RFX7: variants seen among roughly 807,000 people sequenced by gnomAD.
The protein encoded by RFX7 is DNA-binding protein RFX7.
In RFX7, 26 loss-of-function variants were observed where a neutral mutation model predicts 111.8. The ratio of observed to expected loss-of-function variants is 0.23; its 90% CI spans 0.17 to 0.32. RFX7 has a LOEUF of 0.32. RFX7 is among the 10% of genes least tolerant of loss of function. The pLI is 1.00. For synonymous variants in RFX7, 624 were observed against 624.4 expected (o/e 1.00, Z 0.01); for missense variants, 1,573 against 1,772.9 (o/e 0.89, Z 2.02).
intron 3 of RFX7, among the ~76,000 whole-genome samples, chr15:56,152,889 C>T (rs1384694153): frequency 6.6e-6 from 1 of 151,838 alleles, no homozygotes. Flanking sequence ...TCACCACTGA[C>T]CCCACAGAAA....
In RFX7 at chr15:56,144,384, G is replaced by C. The variant is rs367865604; in HGVS notation, c.278+17C>G. 230 of 1,312,712 alleles carry C rather than the reference G, an allele frequency of 1.8e-4. No homozygotes were observed. Among genetic ancestry groups the C allele is most frequent in the Non-Finnish European group, 2.2e-4 (219 of 973,466 alleles). The allele number at this position is 1,312,712 out of a possible 1,614,324, so 81.3% of individuals were successfully genotyped here. A position where few individuals can be genotyped will look rare whatever the true frequency, so the allele number is the denominator to read the frequency against. On this transcript the variant is annotated intron_variant, in intron 4 of 9. Transcript: ENST00000559447. ...CTATAAACAGCATAATTATAGCAAA[G>C]ACAAGAATAGATATACCTTTTCTCT... is the stretch of plus-strand genomic sequence containing the variant.
intron 3 of RFX7, among the ~76,000 whole-genome samples, chr15:56,148,030 A>C (rs1185632912): frequency 6.6e-6 from 1 of 152,234 alleles, no homozygotes. Context: ...AACGGTTTCA[A>C]ATTTAGGCAG....
At chr15:56,100,856 GT>G (rs1473670317) in intron 8 of RFX7, among the ~76,000 whole-genome samples, 2 of 152,026 alleles carry the variant, frequency 1.3e-5, no homozygotes, top group African/African-American at 4.8e-5. Context: ...TATCACTCTT[GT>G]TATTTTTTAG....
intron 2 of RFX7, among the ~76,000 whole-genome samples, chr15:56,240,199 T>C (rs189832820): frequency 6.6e-6 from 1 of 152,114 alleles, no homozygotes; most frequent in East Asian, 1.9e-4. Context: ...CTAAAGCACA[T>C]GCCTACTAAG....
chr15:56,150,983 A>T (rs2042561780), intron 3 of RFX7, among the ~76,000 whole-genome samples: 1 of 152,154 alleles, frequency 6.6e-6, no homozygotes, highest in Non-Finnish European at 1.5e-5. Flanking sequence ...AGATCAACTT[A>T]ATGAAATAAA....
At chr15:56,115,575 A>G (rs181307751) in intron 5 of RFX7, among the ~76,000 whole-genome samples, 11 of 152,302 alleles carry the variant, frequency 7.2e-5, no homozygotes, top group East Asian at 5.8e-4. Flanking sequence ...CATACTCTAC[A>G]TATAGTATGA....
chr15:56,115,259 G>A (rs2041995431), intron 5 of RFX7, among the ~76,000 whole-genome samples: 1 of 152,186 alleles, frequency 6.6e-6, no homozygotes, highest in Non-Finnish European at 1.5e-5. Context: ...TGATCTGCCT[G>A]CCTCGGCCTC....
chr15:56,219,978 C>A (rs1347641579), intron 2 of RFX7, among the ~76,000 whole-genome samples: 1 of 152,174 alleles, frequency 6.6e-6, no homozygotes, highest in Non-Finnish European at 1.5e-5. Context: ...ATTTATACTT[C>A]CACTAGCAGT....
At chr15:56,138,726 T>C (rs1285196774) in intron 5 of RFX7, among the ~76,000 whole-genome samples, 6 of 152,218 alleles carry the variant, frequency 3.9e-5, no homozygotes, top group Non-Finnish European at 5.9e-5. Flanking sequence ...GTCTTTACAT[T>C]TTGGCATGAT....
chr15:56,108,499 A>G (rs1044032045), intron 5 of RFX7, among the ~76,000 whole-genome samples: 11 of 152,230 alleles, frequency 7.2e-5, no homozygotes, highest in Non-Finnish European at 1.3e-4. Context: ...AAAATGCAAT[A>G]TCCCTTTATG....
chr15:56,214,394 T>C (rs371559913), intron 2 of RFX7, among the ~76,000 whole-genome samples: 21 of 152,214 alleles, frequency 1.4e-4, no homozygotes, highest in East Asian at 1.2e-3. Flanking sequence ...GCCTACATTA[T>C]TGAAAATCTT....
rs557006464 is a variant in RFX7 at position 56,120,830 on chromosome 15, C to A, written c.402-17160G>T. Among the ~76,000 whole-genome samples the A allele has an allele frequency of 8.5e-5, 13 of 152,214 alleles. No homozygotes were observed. In the East Asian group the frequency reaches 2.3e-3, roughly 27 times the overall value. The stretch of plus-strand genomic sequence containing the variant: ...ATCTTACAATGTATTAAACTGATAA[C>A]AAATTATTGGATTGCATAAACAAAC... On this transcript the variant is annotated intron_variant, in intron 5 of 9. Coordinates refer to ENST00000559447, the MANE Select transcript of RFX7 (RefSeq NM_022841.7).
chr15:56,131,958 AAT>A (rs748127668), intron 5 of RFX7, among the ~76,000 whole-genome samples: 16 of 152,228 alleles, frequency 1.1e-4, no homozygotes, highest in East Asian at 7.7e-4. Flanking sequence ...AACCAAAACA[AAT>A]AGTCTTTTTC....
chr15:56,207,865 C>G lies in RFX7; in HGVS notation c.162-28562G>C, dbSNP rs182877075. On this transcript the variant is annotated intron_variant, in intron 2 of 9. Coordinates refer to ENST00000559447, the MANE Select transcript of RFX7 (RefSeq NM_022841.7). Reference sequence around the variant, plus strand: ...GATCAGGGGTCAAATCACAAACCCCCCAAATGGGAAAGACCAATAGGAAAA... The same window carrying G: ...GATCAGGGGTCAAATCACAAACCCCGCAAATGGGAAAGACCAATAGGAAAA... Among the ~76,000 whole-genome samples, 150 of 152,248 alleles carry G rather than the reference C, an allele frequency of 9.9e-4. 1 individual carries two copies. The highest frequency in any genetic ancestry group is 3.5e-3 in the African/African-American group (144 of 41,544).
chr15:56,196,728 G>C (rs1048282819), intron 2 of RFX7, among the ~76,000 whole-genome samples: 5 of 152,144 alleles, frequency 3.3e-5, no homozygotes, highest in Non-Finnish European at 7.4e-5. Context: ...AAGCCATCAA[G>C]TCTGTGGTAC....
chr15:56,124,080 G>T (rs1401902017), intron 5 of RFX7, among the ~76,000 whole-genome samples: 1 of 152,142 alleles, frequency 6.6e-6, no homozygotes, highest in Non-Finnish European at 1.5e-5. Context: ...CAGGGAGGAT[G>T]ATCAGTGGAG....
intron 2 of RFX7, among the ~76,000 whole-genome samples, chr15:56,193,856 C>A (rs1326047407): frequency 6.6e-6 from 1 of 151,834 alleles, no homozygotes; most frequent in African/African-American, 2.4e-5. Context: ...GGGGGCTACA[C>A]AAAAGAAATA....
chr15:56,231,352 C>G (rs2043555409), intron 2 of RFX7, among the ~76,000 whole-genome samples: 1 of 152,128 alleles, frequency 6.6e-6, no homozygotes, highest in Non-Finnish European at 1.5e-5. Context: ...AATGGACTCA[C>G]AGTTCCACAT....
intron 2 of RFX7, among the ~76,000 whole-genome samples, chr15:56,227,160 T>C (rs1355328810): frequency 6.6e-6 from 1 of 152,242 alleles, no homozygotes; most frequent in African/African-American, 2.4e-5. Flanking sequence ...GCCACTGGCT[T>C]ATAGTATTTT....
Sources: allele counts gnomAD v4.1 joint callset (sites outside exome capture counted in the v4.1 genomes callset), GRCh38; gene constraint gnomAD v4.1.1; transcripts MANE v1.5; gene names NCBI Gene and HGNC (gene_info 2026-07-23, HGNC 2026-07-21).